Variants in ADAM12 observed in about 807,000 individuals in gnomAD.
ADAM12 encodes the protein disintegrin and metalloproteinase domain-containing protein 12.
Under a neutral mutation model 106.4 loss-of-function variants are expected in ADAM12, and 70 were observed. That is an observed-to-expected ratio of 0.66 (90% CI 0.54 to 0.80). ADAM12 has a LOEUF of 0.80. Ranked by LOEUF, ADAM12 falls within the 30% of genes least tolerant of loss-of-function variation. The probability of loss-of-function intolerance (pLI) is 0.00; values close to 1 mark genes in which losing one functional copy is unlikely to be tolerated. For missense variants in ADAM12, 1,010 were observed against 1,171.9 expected, an observed-to-expected ratio of 0.86 and a Z score of 2.02; for synonymous variants, 420 against 433.5, an observed-to-expected ratio of 0.97 and a Z score of 0.39.
chr10:126,336,876 C>T (rs1327196007), intron 1 of ADAM12, among the ~76,000 whole-genome samples: 1 of 152,172 alleles, frequency 6.6e-6, no homozygotes, highest in African/African-American at 2.4e-5. Context: ...ACGCATCCTG[C>T]ATCCACCACA....
intron 3 of ADAM12, chr10:126,272,813 T>G (rs535675450): frequency 4.9e-6 from 2 of 409,004 alleles, no homozygotes; most frequent in Admixed American, 2.3e-5. Context: ...TGGTCAGCAT[T>G]AATAATGTCT....
intron 3 of ADAM12, among the ~76,000 whole-genome samples, chr10:126,175,378 C>T (rs1335364599): frequency 6.6e-6 from 1 of 152,164 alleles, no homozygotes; most frequent in African/African-American, 2.4e-5. Context: ...TTACTCATAA[C>T]AATAACAATT....
At chr10:126,147,666 C>T (rs1956654413) in intron 4 of ADAM12, among the ~76,000 whole-genome samples, 1 of 152,180 alleles carries the variant, frequency 6.6e-6, no homozygotes, top group Non-Finnish European at 1.5e-5. Flanking sequence ...TGTTCCTTTC[C>T]CCATAAAGCC....
In ADAM12 at chr10:126,125,837, C is replaced by T. The variant is rs372680350; in HGVS notation, c.417-7613G>A. On this transcript the variant is annotated intron_variant, in intron 5 of 22. Coordinates refer to ENST00000448723, the MANE Select transcript of ADAM12 (RefSeq NM_001288973.2). ...AACGACACATGTCCTTAGAAGAGAC[C>T]GAAGAGGAGACACACAGACGTAGGG... Among the ~76,000 whole-genome samples the T allele has an allele frequency of 1.4e-4, 21 of 151,358 alleles. No homozygotes were observed. The South Asian group carries it at 3.6e-3, about 26-fold the overall frequency.
intron 4 of ADAM12, among the ~76,000 whole-genome samples, chr10:126,143,198 T>C (rs1394328471): frequency 1.3e-5 from 2 of 151,668 alleles, no homozygotes; most frequent in African/African-American, 2.4e-5. Flanking sequence ...TCTGTGTATA[T>C]GTATGTGTGT....
chr10:126,114,101 G>C (rs182072975), intron 6 of ADAM12, among the ~76,000 whole-genome samples: 1 of 152,216 alleles, frequency 6.6e-6, no homozygotes, highest in Non-Finnish European at 1.5e-5. Context: ...ATTTCGGTTA[G>C]GAAAGGTTGT....
At chr10:126,304,291 G>A (rs1427121135) in intron 2 of ADAM12, among the ~76,000 whole-genome samples, 1 of 134,026 alleles carries the variant, frequency 7.5e-6, no homozygotes, top group Non-Finnish European at 1.6e-5. Flanking sequence ...CAAAAAGGAA[G>A]TGAAAGAAGG....
intron 14 of ADAM12, among the ~76,000 whole-genome samples, chr10:126,055,870 C>T (rs1338019672): frequency 6.6e-6 from 1 of 152,228 alleles, no homozygotes; most frequent in Non-Finnish European, 1.5e-5. Context: ...TCACGGCCTA[C>T]CCCCTGCACC....
chr10:126,167,016 A>G (rs1957037139), intron 3 of ADAM12, among the ~76,000 whole-genome samples: 2 of 152,206 alleles, frequency 1.3e-5, no homozygotes, highest in South Asian at 4.1e-4. Context: ...GTTTCTACCA[A>G]CACAGGTAAA....
At chr10:126,065,764 A>C (rs1483533035) in intron 13 of ADAM12, among the ~76,000 whole-genome samples, 1 of 152,148 alleles carries the variant, frequency 6.6e-6, no homozygotes, top group Non-Finnish European at 1.5e-5. Flanking sequence ...ATAACCTAAA[A>C]GTGAACCACA....
At chr10:126,072,494 A>C (rs939829594) in intron 11 of ADAM12, among the ~76,000 whole-genome samples, 1 of 152,202 alleles carries the variant, frequency 6.6e-6, no homozygotes, top group Non-Finnish European at 1.5e-5. Context: ...CCCATCTGCC[A>C]GCTGAGATTA....
At chr10:126,275,380 C>T (rs1229322311) in intron 3 of ADAM12, among the ~76,000 whole-genome samples, 1 of 152,050 alleles carries the variant, frequency 6.6e-6, no homozygotes, top group Non-Finnish European at 1.5e-5. Context: ...AGGGGCTATA[C>T]AAATACAGAT....
intron 2 of ADAM12, among the ~76,000 whole-genome samples, chr10:126,280,095 C>T (rs1217028409): frequency 6.6e-6 from 1 of 152,214 alleles, no homozygotes; most frequent in Non-Finnish European, 1.5e-5. Context: ...CATGACTTAA[C>T]TAACCACATG....
chr10:126,304,221 T>C (rs1960743877), intron 2 of ADAM12, among the ~76,000 whole-genome samples: 1 of 142,732 alleles, frequency 7.0e-6, no homozygotes, highest in South Asian at 2.2e-4. Context: ...GACAAAGAGC[T>C]AAGAAACCAA....
At chr10:126,249,666 T>C (rs1958707089) in intron 3 of ADAM12, among the ~76,000 whole-genome samples, 1 of 152,166 alleles carries the variant, frequency 6.6e-6, no homozygotes, top group Non-Finnish European at 1.5e-5. Flanking sequence ...ATCACGCCAC[T>C]GCACTCCAGT....
At chr10:126,361,136 C>T (rs1003399925) in intron 1 of ADAM12, among the ~76,000 whole-genome samples, 2 of 152,078 alleles carry the variant, frequency 1.3e-5, no homozygotes, top group African/African-American at 4.8e-5. Context: ...CGTGGGAAGT[C>T]AAGATGAGAT....
At chr10:126,211,017 G>A (rs558764006) in intron 3 of ADAM12, among the ~76,000 whole-genome samples, 17 of 152,250 alleles carry the variant, frequency 1.1e-4, no homozygotes, top group African/African-American at 4.1e-4. Flanking sequence ...CAAGGGTGGG[G>A]TCTTGGTGCC....
intron 3 of ADAM12, among the ~76,000 whole-genome samples, chr10:126,211,683 T>C (rs924100229): frequency 1.1e-4 from 17 of 152,324 alleles, no homozygotes; most frequent in East Asian, 3.9e-4. Context: ...CATGTGATCC[T>C]GGACCTGCCA....
At chr10:126,260,895 C>A (rs1286894982) in intron 3 of ADAM12, among the ~76,000 whole-genome samples, 1 of 152,054 alleles carries the variant, frequency 6.6e-6, no homozygotes, top group South Asian at 2.1e-4. Context: ...TACAATTGGC[C>A]CTCCGCATCC....
Sources: gnomAD v4.1 joint callset for allele counts (sites outside exome capture counted in the v4.1 genomes callset) on GRCh38, gnomAD v4.1.1 for gene constraint, MANE v1.5 for transcripts, NCBI Gene and HGNC (gene_info 2026-07-23, HGNC 2026-07-21) for gene names.